ABCA5: variants seen among roughly 807,000 people sequenced by gnomAD.
ABCA5 encodes the protein cholesterol transporter ABCA5.
ABCA5 carries 163 observed loss-of-function variants against 206.0 expected under a neutral mutation model. The observed-to-expected ratio is 0.79, with a 90% confidence interval of 0.70 to 0.90. The LOEUF is 0.90. ABCA5 is among the 40% of genes least tolerant of loss of function. ABCA5 has a pLI of 0.00. For synonymous variants in ABCA5, 609 were observed against 613.8 expected (o/e 0.99, Z 0.11); for missense variants, 1,859 against 1,912.9 (o/e 0.97, Z 0.53).
intron 12 of ABCA5, among the ~76,000 whole-genome samples, chr17:69,290,524 A>G (rs2075514397): frequency 6.6e-6 from 1 of 152,178 alleles, no homozygotes; most frequent in Non-Finnish European, 1.5e-5. Context: ...AAGAATCATG[A>G]GGAAAAATCA....
At chr17:69,313,979 A>G (rs2145041375) in intron 2 of ABCA5, among the ~76,000 whole-genome samples, 1 of 152,310 alleles carries the variant, frequency 6.6e-6, no homozygotes, top group Non-Finnish European at 1.5e-5. Context: ...AGTCCATAAA[A>G]TACGAGGTTG....
At chr17:69,314,498 G>T in intron 1 of ABCA5, 68 bp from the exon 2 acceptor site, 2 of 891,908 alleles carry the variant, frequency 2.2e-6, no homozygotes, top group Non-Finnish European at 3.6e-6. Flanking sequence ...ATTTTTAACG[G>T]CAAAATAAGC....
At chr17:69,291,816 T>A (rs1197158201) in intron 11 of ABCA5, among the ~76,000 whole-genome samples, 2 of 152,036 alleles carry the variant, frequency 1.3e-5, no homozygotes, top group Non-Finnish European at 2.9e-5. Flanking sequence ...AAATGGCTTA[T>A]CAAAAAACTA....
Position 69,253,655 on chromosome 17 carries a change from G to A in ABCA5, c.4333C>T (p.Leu1445=). 1.2e-6 allele frequency: 2 copies of A among 1,613,450 alleles called. No individual in the cohort carries two copies. The highest frequency in any genetic ancestry group is 1.7e-4 in the Middle Eastern group (1 of 6,056). The part of the protein sequence containing the change: ...AGIKRKLCFA[L]SMLGNPQITL... ...ATCTGAGGATTCCCTAGCATACTTA[G>A]AGCAAAACACAACTACATGGAAAGA... Residue 1445 remains leucine, a synonymous_variant, in exon 34 of 39, where the codon CTA becomes TTA. Transcript: ENST00000392676.
At position 69,302,760 on chromosome 17, in the gene ABCA5, GAAAAGCCACACT is replaced by G. The variant is rs775765782; in HGVS notation, c.1065_1076del (p.Leu355_Leu358del). On this transcript the variant is annotated inframe_deletion, in exon 8 of 39. Coordinates refer to ENST00000392676, the MANE Select transcript of ABCA5 (RefSeq NM_172232.4). ...CAAAAGTACAGTGACAGAAAGGACTGAAAAGCCACACTAACGATTTGGGAAAACTTTCTATGA... is the reference window on the plus strand; with the variant it reads ...CAAAAGTACAGTGACAGAAAGGACTGAACGATTTGGGAAAACTTTCTATGA... 10 of 1,595,028 alleles carry G rather than the reference GAAAAGCCACACT, an allele frequency of 6.3e-6. No individual in the cohort carries two copies. In the Admixed American group the frequency reaches 1.9e-4, roughly 30 times the overall value.
In ABCA5 at chr17:69,302,827, G is replaced by A; in HGVS notation, c.1010C>T (p.Ala337Val). Residue 337 changes from alanine (A) to valine (V), a missense_variant, in exon 8 of 39, where the codon GCT becomes GTT. Ala to Val is a moderately conservative substitution (Grantham distance 64). Coordinates refer to ENST00000392676, the MANE Select transcript of ABCA5 (RefSeq NM_172232.4). The stretch of plus-strand genomic sequence containing the variant: ...TATCATAAGGCCAATAAATCCAAAA[G>A]CCACAGTAACAAAAAATTCAACTAT... ...VGIVEFFVTVAFGFIGLMIIL... is the reference protein window; with the variant it reads ...VGIVEFFVTVVFGFIGLMIIL... 1.3e-6 allele frequency: 2 copies of A among 1,596,160 alleles called. No individual in the cohort carries two copies. Among genetic ancestry groups the A allele is most frequent in the Non-Finnish European group, 1.7e-6 (2 of 1,175,124 alleles).
chr17:69,272,290 G>A (rs1396650058), intron 20 of ABCA5, among the ~76,000 whole-genome samples: 3 of 151,900 alleles, frequency 2.0e-5, no homozygotes, highest in Non-Finnish European at 2.9e-5. Context: ...CTGCAAGGTG[G>A]GTAAGATACC....
intron 5 of ABCA5, among the ~76,000 whole-genome samples, chr17:69,307,210 T>C (rs1177220149): frequency 6.7e-6 from 1 of 148,390 alleles, no homozygotes; most frequent in Admixed American, 6.8e-5. Flanking sequence ...GATTAAATAA[T>C]TTGTCAAATA....
At chr17:69,269,271 G>C (rs1043601257) in intron 22 of ABCA5, among the ~76,000 whole-genome samples, 2 of 152,206 alleles carry the variant, frequency 1.3e-5, no homozygotes, top group African/African-American at 4.8e-5. Flanking sequence ...ACGGAGGAGA[G>C]AAGGAAACAA....
In ABCA5 at chr17:69,304,687, GA is replaced by G. The variant is rs776887626; in HGVS notation, c.911del (p.Phe304SerfsTer12). The G allele has an allele frequency of 6.3e-6, 10 of 1,591,264 alleles. No homozygotes were observed. Among genetic ancestry groups the G allele is most frequent in the Non-Finnish European group, 7.7e-6 (9 of 1,169,526 alleles). On this transcript the variant is annotated frameshift_variant, in exon 7 of 39. Coordinates refer to ENST00000392676, the MANE Select transcript of ABCA5 (RefSeq NM_172232.4). LOFTEE classifies it high-confidence loss of function. ...TACTTACAGATGATAATCCATAAAG[GA>G]AAAAAAGCAGAAATATCACAATGCT... is the stretch of plus-strand genomic sequence containing the variant. ...SSSIVIFLLF[F>X]LYGLSSVFFA... is the part of the protein sequence containing the mutation.
Position 69,270,639 on chromosome 17 carries a change from G to A in ABCA5, c.3004C>T (p.Gln1002Ter), listed in dbSNP as rs1418332480. The A allele has an allele frequency of 6.3e-7, 1 of 1,594,794 alleles. No homozygotes were observed. ...TGAAAGAATGGGGTACTCCAGATCT[G>A]GATGGTTTCAGTCACATTTAAATGA... The part of the protein sequence containing the change: ...LYHLNVTETI[Q>*]IWSTPFFQEI... The change falls in exon 22 of 39, where the codon CAG (glutamine) becomes TAG (stop). Residue 1002 changes from glutamine to a stop codon, truncating the protein, a stop_gained. Transcript: ENST00000392676. LOFTEE classifies it high-confidence loss of function.
chr17:69,267,788 C>A (rs2075227191), intron 23 of ABCA5, among the ~76,000 whole-genome samples, 155 bp downstream of exon 23: 1 of 152,076 alleles, frequency 6.6e-6, no homozygotes, highest in Admixed American at 6.6e-5. Context: ...TATTAATTAT[C>A]ACTTATTACA....
chr17:69,289,915 A>C lies in ABCA5; in HGVS notation c.1729T>G (p.Leu577Val), dbSNP rs1259167627. The change falls in exon 13 of 39, where the codon TTA becomes GTA. Residue 577 changes from leucine (L) to valine (V), a missense_variant. Physicochemically the swap from Leu to Val is conservative, Grantham distance 32. Coordinates refer to ENST00000392676, the MANE Select transcript of ABCA5 (RefSeq NM_172232.4). ...CCTTTGATTGAAGCCAAAATTGATAAATTTTCTTCTACTGTCAAAACATCA... is the reference window on the plus strand; with the variant it reads ...CCTTTGATTGAAGCCAAAATTGATACATTTTCTTCTACTGTCAAAACATCA... ...HFDVLTVEEN[L>V]SILASIKGIP... The C allele has an allele frequency of 6.2e-7, 1 of 1,611,914 alleles. No individual in the cohort carries two copies. Among genetic ancestry groups the C allele is most frequent in the Non-Finnish European group, 8.5e-7 (1 of 1,179,208 alleles).
intron 24 of ABCA5, among the ~76,000 whole-genome samples, chr17:69,262,535 G>C (rs1321647320): frequency 2.6e-5 from 4 of 152,102 alleles, no homozygotes; most frequent in African/African-American, 9.7e-5. Flanking sequence ...GCCTCCAACT[G>C]CACCTGTGCT....
At chr17:69,268,154 C>T (rs1383101259) in intron 22 of ABCA5, 98 bp from the exon 23 acceptor site, 11 of 590,292 alleles carry the variant, frequency 1.9e-5, no homozygotes, top group Non-Finnish European at 3.0e-5. Flanking sequence ...AAATCAAAAC[C>T]TCAGAAAGAA....
chr17:69,247,333 C>T lies in ABCA5; in HGVS notation c.*204G>A, dbSNP rs2074962259. 4 of 473,458 alleles carry T rather than the reference C, an allele frequency of 8.4e-6. No homozygotes were observed. The highest frequency in any genetic ancestry group is 8.1e-5 in the Admixed American group (2 of 24,646). The allele number at this position is 473,458 out of a possible 1,614,324, so 29.3% of individuals were successfully genotyped here. ...ATAGTTCAATATACTTCAATACAAA[C>T]ATGCAGCTTCACTTAATTATACATA... On this transcript the variant is annotated 3_prime_UTR_variant, in exon 39 of 39. Coordinates refer to ENST00000392676, the MANE Select transcript of ABCA5 (RefSeq NM_172232.4).
chr17:69,299,471 T>TACACACAC (rs71144671), intron 9 of ABCA5, among the ~76,000 whole-genome samples: 15,019 of 142,386 alleles, frequency 0.11, 912 homozygotes, highest in Admixed American at 0.18. Context: ...CACACACACA[T>TACACACAC]ACACACACAC....
At chr17:69,322,386 A>AAAAAAAAC in intron 1 of ABCA5, among the ~76,000 whole-genome samples, 1 of 148,700 alleles carries the variant, frequency 6.7e-6, no homozygotes, top group Non-Finnish European at 1.5e-5. Context: ...AAAAAAAAAA[A>AAAAAAAAC]AGTGCTGGTT....
chr17:69,307,438 A>G (rs1273956029), intron 5 of ABCA5, among the ~76,000 whole-genome samples: 1 of 152,074 alleles, frequency 6.6e-6, no homozygotes, highest in Non-Finnish European at 1.5e-5. Context: ...ATGCCACATA[A>G]TACTTCTAAC....
Sources: gnomAD v4.1 joint callset for allele counts (sites outside exome capture counted in the v4.1 genomes callset) on GRCh38, gnomAD v4.1.1 for gene constraint, MANE v1.5 for transcripts, NCBI Gene and HGNC (gene_info 2026-07-23, HGNC 2026-07-21) for gene names.